The following GPC3 variants were observed in gnomAD, a reference collection of about 807,000 sequenced individuals.
GPC3 encodes the protein glypican-3.
Under a neutral mutation model 34.4 loss-of-function variants are expected in GPC3, and 3 were observed. That is an observed-to-expected ratio of 0.09 (90% CI 0.04 to 0.23). The LOEUF is 0.23. Ranked by LOEUF, GPC3 falls within the 10% of genes least tolerant of loss-of-function variation. GPC3 has a pLI of 1.00. For synonymous variants in GPC3, 177 were observed against 174.0 expected, an observed-to-expected ratio of 1.02 and a Z score of -0.13; for missense variants, 351 against 445.6, an observed-to-expected ratio of 0.79 and a Z score of 1.91.
chrX:133,749,409 C>T (rs1408037563), intron 3 of GPC3, among the ~76,000 whole-genome samples: 1 of 111,681 alleles, frequency 9.0e-6, no homozygotes, highest in Non-Finnish European at 1.9e-5. Flanking sequence ...AGAACAGGAT[C>T]CTTTACCACC....
In GPC3 at chrX:133,856,720, T is replaced by C. The variant is rs188308768; in HGVS notation, c.337+96330A>G. Among the ~76,000 whole-genome samples the C allele has an allele frequency of 1.3e-4, 15 of 112,208 alleles. No individual in the cohort carries two copies. The East Asian group carries it at 3.9e-3, about 29-fold the overall frequency. On this transcript the variant is annotated intron_variant, in intron 2 of 7. Transcript: ENST00000370818. Reference sequence around the variant, plus strand: ...ATTTTTACAATTTTGTAGAGTGACATGTACTAACTTTATAGCTACAAACTA... The same window carrying C: ...ATTTTTACAATTTTGTAGAGTGACACGTACTAACTTTATAGCTACAAACTA...
intron 2 of GPC3, among the ~76,000 whole-genome samples, chrX:133,810,328 C>T (rs961401540): frequency 1.8e-5 from 2 of 112,036 alleles, no homozygotes; most frequent in Non-Finnish European, 3.8e-5. Context: ...TCTATAATAT[C>T]TAATTGGCTT....
intron 2 of GPC3, among the ~76,000 whole-genome samples, chrX:133,863,139 G>T (rs1268093783): frequency 8.9e-6 from 1 of 112,631 alleles, no homozygotes; most frequent in African/African-American, 3.2e-5. Flanking sequence ...TTGGTCTCAT[G>T]TAGAAAATGA....
chrX:133,976,693 G>A (rs1185998931), intron 1 of GPC3, among the ~76,000 whole-genome samples: 3 of 110,315 alleles, frequency 2.7e-5, no homozygotes, highest in African/African-American at 9.9e-5. Context: ...TGAGGCAGGC[G>A]GATCACCTGA....
intron 2 of GPC3, among the ~76,000 whole-genome samples, chrX:133,823,973 CAAAA>C (rs55969744): frequency 1.3e-5 from 1 of 76,539 alleles, no homozygotes. Flanking sequence ...GACTCCATCT[CAAAA>C]AAAAAAAAAA....
At chrX:133,742,614 T>G (rs1321855316) in intron 3 of GPC3, among the ~76,000 whole-genome samples, 5 of 112,125 alleles carry the variant, frequency 4.5e-5, no homozygotes, top group Middle Eastern at 4.2e-3. Context: ...TAAAATTTTT[T>G]CTTTGGAAAA....
chrX:133,800,521 G>A lies in GPC3; in HGVS notation c.338-46345C>T, dbSNP rs576404580. Among the ~76,000 whole-genome samples, 47 of 111,960 alleles carry A rather than the reference G, an allele frequency of 4.2e-4. 1 individual carries two copies. Among genetic ancestry groups the A allele is most frequent in the African/African-American group, 1.4e-3 (42 of 30,883 alleles). On this transcript the variant is annotated intron_variant, in intron 2 of 7. Transcript: ENST00000370818. ...TATGGTTATTATGGTGTCAGGAGAC[G>A]GGTAGTAACTTGATGAGTACCGTCA...
chrX:133,652,986 G>A (rs186982659), intron 6 of GPC3, among the ~76,000 whole-genome samples: 129 of 112,137 alleles, frequency 1.2e-3, no homozygotes, highest in African/African-American at 4.0e-3. Flanking sequence ...TTACCACCAA[G>A]CCATTCACAT....
At chrX:133,630,254 A>G (rs1386494320) in intron 6 of GPC3, among the ~76,000 whole-genome samples, 1 of 111,616 alleles carries the variant, frequency 9.0e-6, no homozygotes, top group Admixed American at 9.5e-5. Context: ...CAGGTCTGGA[A>G]AAGTCATTTT....
intron 3 of GPC3, among the ~76,000 whole-genome samples, chrX:133,730,880 G>A (rs1031169786): frequency 8.9e-6 from 1 of 111,981 alleles, no homozygotes; most frequent in Non-Finnish European, 1.9e-5. Context: ...ACATTAACTG[G>A]TTGATCTTTG....
chrX:133,887,344 CTTT>C (rs1219848740), intron 2 of GPC3, among the ~76,000 whole-genome samples: 1 of 112,385 alleles, frequency 8.9e-6, no homozygotes, highest in Admixed American at 9.4e-5. Context: ...AATCTTTCAT[CTTT>C]TTGATAACAG....
At chrX:133,794,552 C>G (rs1195857791) in intron 2 of GPC3, among the ~76,000 whole-genome samples, 1 of 112,030 alleles carries the variant, frequency 8.9e-6, no homozygotes, top group East Asian at 2.8e-4. Context: ...TTTAGGTTCT[C>G]TATTCCTTTT....
chrX:133,597,881 C>T (rs1391109671), intron 6 of GPC3, among the ~76,000 whole-genome samples: 1 of 110,974 alleles, frequency 9.0e-6, no homozygotes, highest in Non-Finnish European at 1.9e-5. Context: ...CACGTTCACC[C>T]TGCCACTTCC....
At chrX:133,938,456 G>T (rs1313852996) in intron 2 of GPC3, among the ~76,000 whole-genome samples, 4 of 111,930 alleles carry the variant, frequency 3.6e-5, no homozygotes, top group Non-Finnish European at 7.5e-5. Context: ...TATCAGGTTT[G>T]CTTTAATAGG....
intron 6 of GPC3, among the ~76,000 whole-genome samples, chrX:133,616,360 C>A (rs1452843753): frequency 2.7e-5 from 3 of 111,430 alleles, no homozygotes; most frequent in Admixed American, 1.9e-4. Flanking sequence ...AACATCACAA[C>A]AAGAAATTTA....
intron 7 of GPC3, among the ~76,000 whole-genome samples, chrX:133,554,604 CT>C (rs1389409320): frequency 9.0e-6 from 1 of 111,165 alleles, no homozygotes; most frequent in Admixed American, 9.6e-5. Context: ...TGAGTCACCC[CT>C]GGTCACCTGC....
At chrX:133,852,638 G>A (rs2075879460) in intron 2 of GPC3, among the ~76,000 whole-genome samples, 1 of 111,543 alleles carries the variant, frequency 9.0e-6, no homozygotes, top group East Asian at 2.8e-4. Context: ...GAATCATGGA[G>A]CTTGTGGGAA....
At chrX:133,682,810 T>C (rs896896479) in intron 5 of GPC3, among the ~76,000 whole-genome samples, 1 of 109,591 alleles carries the variant, frequency 9.1e-6, no homozygotes, top group African/African-American at 3.3e-5. Context: ...CTACTAAAAA[T>C]ACAAAAATTG....
intron 2 of GPC3, among the ~76,000 whole-genome samples, chrX:133,912,284 T>C (rs1488217770): frequency 1.8e-5 from 2 of 112,315 alleles, no homozygotes; most frequent in East Asian, 2.8e-4. Flanking sequence ...GCCCCGCCTA[T>C]GGGAAGGTCC....
Sources: allele counts gnomAD v4.1 joint callset (sites outside exome capture counted in the v4.1 genomes callset), GRCh38; gene constraint gnomAD v4.1.1; transcripts MANE v1.5; gene names NCBI Gene and HGNC (gene_info 2026-07-23, HGNC 2026-07-21).